Variants in FAM241A observed in about 807,000 individuals in gnomAD.
FAM241A encodes family with sequence similarity 241 member A, also known as uncharacterized protein FAM241A.
Under a neutral mutation model 12.2 loss-of-function variants are expected in FAM241A, and 7 were observed. The ratio of observed to expected loss-of-function variants is 0.58; its 90% CI spans 0.33 to 1.08. The LOEUF (loss-of-function observed/expected upper bound fraction) is 1.08, where lower values mean the gene tolerates loss of function less well. FAM241A is among the 50% of genes least tolerant of loss of function. The pLI is 0.04. For synonymous variants in FAM241A, 74 were observed against 68.2 expected, an observed-to-expected ratio of 1.08 and a Z score of -0.42; for missense variants, 161 against 169.7, an observed-to-expected ratio of 0.95 and a Z score of 0.29.
chr4:112,182,183 T>C (rs986938019), intron 1 of FAM241A, among the ~76,000 whole-genome samples: 2 of 152,190 alleles, frequency 1.3e-5, no homozygotes, highest in African/African-American at 2.4e-5. Context: ...ATGTGGCATA[T>C]GGATGGTGGT....
rs575567467 is a variant in FAM241A at position 112,156,572 on chromosome 4, G to A, written c.153+10839G>A. The stretch of plus-strand genomic sequence containing the variant: ...TGGGCATCTCTGAGCTACTAGAGAT[G>A]AATCTGTCAAAACTTCTTCTCCAAA... On this transcript the variant is annotated intron_variant, in intron 1 of 1. Coordinates refer to ENST00000309733, the MANE Select transcript of FAM241A (RefSeq NM_152400.3). 1.8e-3 allele frequency among the ~76,000 whole-genome samples: 274 copies of A among 152,328 alleles called. 2 individuals carry two copies. Among genetic ancestry groups the A allele is most frequent in the African/African-American group, 6.3e-3 (261 of 41,574 alleles).
At chr4:112,149,497 A>C (rs1723205117) in intron 1 of FAM241A, among the ~76,000 whole-genome samples, 1 of 152,188 alleles carries the variant, frequency 6.6e-6, no homozygotes, top group South Asian at 2.1e-4. Flanking sequence ...CTGTCTGAAA[A>C]TATTTGCTTG....
chr4:112,163,431 A>G (rs1578372868), intron 1 of FAM241A, among the ~76,000 whole-genome samples: 1 of 152,258 alleles, frequency 6.6e-6, no homozygotes, highest in Non-Finnish European at 1.5e-5. Context: ...GCTAATATAC[A>G]GAATCTACAA....
intron 1 of FAM241A, among the ~76,000 whole-genome samples, chr4:112,164,599 A>T (rs940714628): frequency 6.6e-6 from 1 of 152,152 alleles, no homozygotes. Flanking sequence ...AAGTATAATA[A>T]TTTTAAAAAA....
chr4:112,164,270 A>T lies in FAM241A; in HGVS notation c.153+18537A>T, dbSNP rs189571373. Among the ~76,000 whole-genome samples the T allele has an allele frequency of 8.4e-3, 1,261 of 150,908 alleles. 6 individuals are homozygous for T. The highest frequency in any genetic ancestry group is 0.039 in the Middle Eastern group (11 of 284). On this transcript the variant is annotated intron_variant, in intron 1 of 1. Transcript: ENST00000309733. ...CTAGAACTTAAAATATAATTTTTTTAAAAAAAGGATGAGTTCATGTCCTTT... is the reference window on the plus strand; with the variant it reads ...CTAGAACTTAAAATATAATTTTTTTTAAAAAAGGATGAGTTCATGTCCTTT...
At chr4:112,174,326 A>G (rs1209364711) in intron 1 of FAM241A, among the ~76,000 whole-genome samples, 2 of 152,168 alleles carry the variant, frequency 1.3e-5, no homozygotes, top group Non-Finnish European at 2.9e-5. Flanking sequence ...ACCCCAGGGA[A>G]TGGTGCAATG....
Position 112,186,702 on chromosome 4 carries a change from G to A in FAM241A, c.163G>A (p.Asp55Asn), listed in dbSNP as rs1444476646. 7 of 1,596,230 alleles carry A rather than the reference G, an allele frequency of 4.4e-6. No individual in the cohort carries two copies. The Admixed American group carries it at 8.5e-5, about 19-fold the overall frequency. The change falls in exon 2 of 2, where the codon GAC (aspartate) becomes AAC (asparagine). Residue 55 changes from aspartate to asparagine, a missense_variant. Transcript: ENST00000309733. Reference protein sequence around the residue: ...RPKESEQDVEDSQNHTGEPVG... With the variant: ...RPKESEQDVENSQNHTGEPVG... ...TTTTTTTTTTTTAAAGGATGTTGAA[G>A]ACTCACAGAACCACACTGGTGAGCC...
intron 1 of FAM241A, among the ~76,000 whole-genome samples, chr4:112,167,878 G>C (rs1009303809): frequency 6.6e-6 from 1 of 152,160 alleles, no homozygotes; most frequent in Non-Finnish European, 1.5e-5. Context: ...ATCTGAGTTA[G>C]AGCTTAATAA....
At position 112,145,727 on chromosome 4, in the gene FAM241A, C is replaced by T. The variant is rs1723122205; in HGVS notation, c.147C>T (p.Ser49=). The part of the protein sequence containing the change: ...PRRRGQRPKE[S]EQDVEDSQNH... Reference sequence around the variant, plus strand: ...GGCGCGGACAGCGGCCGAAGGAGAGCGAGCAGGTGAGCGCGGGGAGGGGCG... The same window carrying T: ...GGCGCGGACAGCGGCCGAAGGAGAGTGAGCAGGTGAGCGCGGGGAGGGGCG... The change falls in exon 1 of 2, where the codon AGC becomes AGT. Residue 49 remains serine, a synonymous_variant. Transcript: ENST00000309733. The T allele has an allele frequency of 8.4e-7, 1 of 1,185,276 alleles. No individual in the cohort carries two copies. Among genetic ancestry groups the T allele is most frequent in the Non-Finnish European group, 1.0e-6 (1 of 958,224 alleles). The allele number at this position is 1,185,276 out of a possible 1,614,324, so 73.4% of individuals were successfully genotyped here.
At chr4:112,152,017 A>G (rs1723254640) in intron 1 of FAM241A, among the ~76,000 whole-genome samples, 1 of 152,228 alleles carries the variant, frequency 6.6e-6, no homozygotes, top group East Asian at 1.9e-4. Context: ...TTTGCAAGCA[A>G]TATTGTAATA....
In FAM241A at chr4:112,145,674, G is replaced by GA; in HGVS notation, c.94_95insA (p.Gly32GlufsTer23). The stretch of plus-strand genomic sequence containing the variant: ...GGCGGAGCGGGAGGCGGCAGGGACC[G>GA]GGTGGGATCCCGGGGCGAGCCCGCG... On this transcript the variant is annotated frameshift_variant, in exon 1 of 2. Coordinates refer to ENST00000309733, the MANE Select transcript of FAM241A (RefSeq NM_152400.3). LOFTEE classifies it high-confidence loss of function. The GA allele has an allele frequency of 1.6e-6, 2 of 1,214,776 alleles. No homozygotes were observed. Among genetic ancestry groups the GA allele is most frequent in the South Asian group, 8.3e-5 (2 of 24,196 alleles). The allele number at this position is 1,214,776 out of a possible 1,614,324, so 75.2% of individuals were successfully genotyped here. A position where few individuals can be genotyped will look rare whatever the true frequency, so the allele number is the denominator to read the frequency against.
At chr4:112,157,381 A>G (rs1723375737) in intron 1 of FAM241A, among the ~76,000 whole-genome samples, 1 of 152,152 alleles carries the variant, frequency 6.6e-6, no homozygotes, top group Non-Finnish European at 1.5e-5. Context: ...ATGAAGATTA[A>G]TAATATTCTA....
chr4:112,166,174 G>C (rs376895365), intron 1 of FAM241A, among the ~76,000 whole-genome samples: 3 of 149,886 alleles, frequency 2.0e-5, no homozygotes, highest in Non-Finnish European at 4.4e-5. Context: ...AGCCTCTCCC[G>C]AGTAGCTGGG....
intron 1 of FAM241A, among the ~76,000 whole-genome samples, chr4:112,184,772 A>G (rs1408452689): frequency 1.3e-5 from 2 of 152,174 alleles, no homozygotes. Flanking sequence ...CTCTTCCCTT[A>G]AAGATTTATT....
At position 112,187,115 on chromosome 4, in the gene FAM241A, G is replaced by C. The variant is rs1724063859; in HGVS notation, c.*177G>C. On this transcript the variant is annotated 3_prime_UTR_variant, in exon 2 of 2. Coordinates refer to ENST00000309733, the MANE Select transcript of FAM241A (RefSeq NM_152400.3). ...AAAACTAAACTCTTGATCATAACAG[G>C]GTTGAATATATATTTTGAATATACA... The C allele has an allele frequency of 1.6e-6, 1 of 644,400 alleles. No individual in the cohort carries two copies. Among genetic ancestry groups the C allele is most frequent in the Non-Finnish European group, 2.6e-6 (1 of 378,796 alleles). The allele number at this position is 644,400 out of a possible 1,614,324, so 39.9% of individuals were successfully genotyped here.
chr4:112,169,390 T>C (rs1008421963), intron 1 of FAM241A, among the ~76,000 whole-genome samples: 2 of 152,214 alleles, frequency 1.3e-5, no homozygotes, highest in South Asian at 2.1e-4. Context: ...AATGAAAAGG[T>C]ATATGTTACA....
chr4:112,152,788 C>A (rs577740417), intron 1 of FAM241A, among the ~76,000 whole-genome samples: 5 of 152,068 alleles, frequency 3.3e-5, no homozygotes, highest in African/African-American at 1.2e-4. Flanking sequence ...TTTTGAATCC[C>A]GGTTTTACTC....
At chr4:112,158,996 G>A (rs745953277) in intron 1 of FAM241A, among the ~76,000 whole-genome samples, 2 of 151,986 alleles carry the variant, frequency 1.3e-5, no homozygotes, top group South Asian at 4.1e-4. Flanking sequence ...TCCCAGCTCT[G>A]TTAACTGTCA....
chr4:112,186,676 T>C lies in FAM241A; in HGVS notation c.154-17T>C. The C allele has an allele frequency of 6.6e-7, 1 of 1,505,352 alleles. No homozygotes were observed. Among genetic ancestry groups the C allele is most frequent in the East Asian group, 2.3e-5 (1 of 42,678 alleles). 93.2% of individuals were successfully genotyped at this position (1,505,352 alleles called of 1,614,324 possible). On this transcript the variant is annotated splice_polypyrimidine_tract_variant and intron_variant, in intron 1 of 1. Transcript: ENST00000309733. Reference sequence around the variant, plus strand: ...TCATGTTATGTTCATGTTTTGTCTTTTTTTTTTTTTTTAAAGGATGTTGAA... The same window carrying C: ...TCATGTTATGTTCATGTTTTGTCTTCTTTTTTTTTTTTAAAGGATGTTGAA...
Sources: allele counts gnomAD v4.1 joint callset (sites outside exome capture counted in the v4.1 genomes callset), GRCh38; gene constraint gnomAD v4.1.1; transcripts MANE v1.5; gene names NCBI Gene and HGNC (gene_info 2026-07-23, HGNC 2026-07-21).